MYCBP2: variants seen among roughly 807,000 people sequenced by gnomAD.
The protein encoded by MYCBP2 is E3 ubiquitin-protein ligase MYCBP2.
In MYCBP2, 120 loss-of-function variants were observed where a neutral mutation model predicts 525.3. The observed-to-expected ratio is 0.23, with a 90% CI of 0.20 to 0.27. The LOEUF (loss-of-function observed/expected upper bound fraction) is 0.27, where lower values mean the gene tolerates loss of function less well. MYCBP2 is among the 10% of genes least tolerant of loss of function. MYCBP2 has a pLI of 1.00. For missense variants in MYCBP2, 4,149 were observed against 5,657.1 expected, an observed-to-expected ratio of 0.73 and a Z score of 8.55; for synonymous variants, 1,894 against 1,955.8, an observed-to-expected ratio of 0.97 and a Z score of 0.83.
Position 77,055,651 on chromosome 13 carries a change from T to A in MYCBP2, c.13554A>T (p.Glu4518Asp). 1.2e-6 allele frequency: 2 copies of A among 1,614,156 alleles called. No individual in the cohort carries two copies. Among genetic ancestry groups the A allele is most frequent in the Non-Finnish European group, 1.7e-6 (2 of 1,180,004 alleles). ...RLEYEGLHKS[E>D]AITTPGVRFY... ...ACCTCACACCAGGAGTTGTGATAGC[T>A]TCACTCTTATGCAGACCTTCATATT... Residue 4518 changes from glutamate (E) to aspartate (D), a missense_variant, in exon 80 of 83, where the codon GAA becomes GAT. Physicochemically the swap from Glu to Asp is conservative, Grantham distance 45. Transcript: ENST00000544440.
chr13:77,194,225 T>C lies in MYCBP2; in HGVS notation c.3863A>G (p.Asp1288Gly). 2 of 1,613,158 alleles carry C rather than the reference T, an allele frequency of 1.2e-6. No individual in the cohort carries two copies. The highest frequency in any genetic ancestry group is 1.7e-6 in the Non-Finnish European group (2 of 1,179,312). Reference protein sequence around the residue: ...AKIKLFELGPDGGDHETDGDL... With the variant: ...AKIKLFELGPGGGDHETDGDL... ...ACCATCAGTTTCATGATCTCCTCCATCAGGACCCAATTCAAACAGCTAAGG... is the reference window on the plus strand; with the variant it reads ...ACCATCAGTTTCATGATCTCCTCCACCAGGACCCAATTCAAACAGCTAAGG... Residue 1288 changes from aspartate to glycine, a missense_variant, in exon 27 of 83, where the codon GAT (aspartate) becomes GGT (glycine). Around this residue, in one of 21 missense-constraint regions of MYCBP2, gnomAD observed 620 missense variants for 795.5 expected, o/e 0.78. Transcript: ENST00000544440.
chr13:77,098,102 G>A lies in MYCBP2; in HGVS notation c.9052C>T (p.Pro3018Ser). 2 of 1,613,428 alleles carry A rather than the reference G, an allele frequency of 1.2e-6. No homozygotes were observed. The highest frequency in any genetic ancestry group is 2.2e-5 in the South Asian group (2 of 91,036). Residue 3018 changes from proline (P) to serine (S), a missense_variant, in exon 56 of 83, where the codon CCA (proline) becomes TCA (serine). Around this residue, in one of 21 missense-constraint regions of MYCBP2, gnomAD observed 653 missense variants for 744.7 expected, o/e 0.88. Transcript: ENST00000544440. ...GAAGGAGACATGGCTTGCTTGGCTG[G>A]CTCTAAAGGCTTGGATCCATCTCCT... The part of the protein sequence containing the change: ...FKGDGSKPLE[P>S]AKQAMSPSVA...
Position 77,068,891 on chromosome 13 carries a change from A to G in MYCBP2, c.11905-60T>C, listed in dbSNP as rs913158375. 33 of 1,468,262 alleles carry G rather than the reference A, an allele frequency of 2.2e-5. No individual in the cohort carries two copies. The African/African-American group carries it at 4.6e-4, about 21-fold the overall frequency. 91.0% of individuals were successfully genotyped at this position (1,468,262 alleles called of 1,614,324 possible). A position where few individuals can be genotyped will look rare whatever the true frequency, so the allele number is the denominator to read the frequency against. ...AGGGTTAGTTTGATTTACTACTCCT[A>G]GCAAAACAAGCAAACAAAAGAATAA... is the stretch of plus-strand genomic sequence containing the variant. On this transcript the variant is annotated intron_variant, in intron 69 of 82. Coordinates refer to ENST00000544440, the MANE Select transcript of MYCBP2 (RefSeq NM_015057.5).
chr13:77,229,800 C>T (rs2066882331), intron 18 of MYCBP2, among the ~76,000 whole-genome samples: 1 of 151,980 alleles, frequency 6.6e-6, no homozygotes, highest in South Asian at 2.1e-4. Flanking sequence ...ATTCCAAAGG[C>T]TATAATATTT....
intron 72 of MYCBP2, 85 bp downstream of exon 72, chr13:77,065,907 A>G (rs1474812752): frequency 2.3e-6 from 2 of 869,716 alleles, no homozygotes; most frequent in African/African-American, 3.4e-5. Context: ...ACTAATCTAC[A>G]TCTCCTATCA....
intron 1 of MYCBP2, among the ~76,000 whole-genome samples, chr13:77,311,307 C>A (rs527431251): frequency 1.3e-5 from 2 of 152,164 alleles, no homozygotes; most frequent in Non-Finnish European, 2.9e-5. Context: ...TATAATAAAC[C>A]CTAGAGTTTA....
chr13:77,280,889 T>C (rs917052776), intron 3 of MYCBP2, among the ~76,000 whole-genome samples: 2 of 152,224 alleles, frequency 1.3e-5, no homozygotes, highest in African/African-American at 2.4e-5. Flanking sequence ...AGACTTTTTG[T>C]TTAACAAATG....
At chr13:77,224,834 ATGAGTAAC>A (rs2066042661) in intron 19 of MYCBP2, among the ~76,000 whole-genome samples, 1 of 152,180 alleles carries the variant, frequency 6.6e-6, no homozygotes, top group Admixed American at 6.5e-5. Flanking sequence ...CTTCTTAATA[ATGAGTAAC>A]TACATATAAA....
intron 45 of MYCBP2, among the ~76,000 whole-genome samples, chr13:77,156,762 T>C (rs2057259512): frequency 6.7e-6 from 1 of 148,964 alleles, no homozygotes; most frequent in Non-Finnish European, 1.5e-5. Context: ...GTGATGTTCA[T>C]TCCTGAATTC....
chr13:77,274,902 T>C (rs1271103228), intron 4 of MYCBP2, among the ~76,000 whole-genome samples: 2 of 152,106 alleles, frequency 1.3e-5, no homozygotes, highest in African/African-American at 2.4e-5. Context: ...TCTGTACACA[T>C]CCTATACTTC....
intron 8 of MYCBP2, 92 bp downstream of exon 8, chr13:77,267,749 C>T: frequency 2.1e-6 from 2 of 972,478 alleles, no homozygotes; most frequent in Non-Finnish European, 3.3e-6. Context: ...CAAGCACTAT[C>T]CCTTGCTAAT....
At chr13:77,161,843 C>A in intron 44 of MYCBP2, 63 bp downstream of exon 44, 1 of 1,274,996 alleles carries the variant, frequency 7.8e-7, no homozygotes, top group Non-Finnish European at 1.1e-6. Flanking sequence ...ATAGGCTGAT[C>A]TGAGTGACAA....
At chr13:77,203,709 T>G (rs1030891375) in intron 26 of MYCBP2, among the ~76,000 whole-genome samples, 3 of 152,136 alleles carry the variant, frequency 2.0e-5, no homozygotes, top group Admixed American at 2.0e-4. Context: ...TATAGATCAA[T>G]GGAACGGAAC....
chr13:77,294,131 C>CATATATATATATATATATATATATACGG, intron 2 of MYCBP2, among the ~76,000 whole-genome samples: 1 of 65,692 alleles, frequency 1.5e-5, no homozygotes, highest in Non-Finnish European at 3.0e-5. Flanking sequence ...TATATATATA[C>CATATATATATATATATATATATATACGG]ATATATATAT....
chr13:77,295,537 T>A (rs776560603), intron 2 of MYCBP2, among the ~76,000 whole-genome samples: 5 of 152,222 alleles, frequency 3.3e-5, no homozygotes, highest in Non-Finnish European at 5.9e-5. Context: ...TACTTTGAAG[T>A]AGATTTCTCT....
At position 77,183,541 on chromosome 13, in the gene MYCBP2, CTTTTTTTTTTTTTTTTT is replaced by C. The variant is rs60927409; in HGVS notation, c.4719+1545_4719+1561del. Among the ~76,000 whole-genome samples the C allele has an allele frequency of 1.1e-4, 7 of 66,050 alleles. No individual in the cohort carries two copies. The Admixed American group carries it at 1.1e-3, about 10-fold the overall frequency. 43.3% of individuals were successfully genotyped at this position (66,050 alleles called of 152,430 possible). A position where few individuals can be genotyped will look rare whatever the true frequency, so the allele number is the denominator to read the frequency against. Reference sequence around the variant, plus strand: ...TTGTTTATAGTGATAGTCCCTATTTCTTTTTTTTTTTTTTTTTTTTTTTTTTTTTGAGATGGAGTATC... The same window carrying C: ...TTGTTTATAGTGATAGTCCCTATTTCTTTTTTTTTTTTGAGATGGAGTATC... On this transcript the variant is annotated intron_variant, in intron 32 of 82. Coordinates refer to ENST00000544440, the MANE Select transcript of MYCBP2 (RefSeq NM_015057.5).
chr13:77,196,153 T>G (rs1566886305), intron 26 of MYCBP2, among the ~76,000 whole-genome samples: 1 of 152,172 alleles, frequency 6.6e-6, no homozygotes, highest in South Asian at 2.1e-4. Context: ...GCTGTAGTTA[T>G]GAGGAAACAG....
At chr13:77,087,979 C>T (rs1478924876) in intron 61 of MYCBP2, among the ~76,000 whole-genome samples, 1 of 151,836 alleles carries the variant, frequency 6.6e-6, no homozygotes, top group Non-Finnish European at 1.5e-5. Context: ...GAAATGAGGT[C>T]TCACATGTTG....
At chr13:77,150,330 T>C (rs1015599476) in intron 47 of MYCBP2, among the ~76,000 whole-genome samples, 7 of 152,138 alleles carry the variant, frequency 4.6e-5, no homozygotes, top group Non-Finnish European at 8.8e-5. Flanking sequence ...TTTGTAGAGA[T>C]GGGGTCTCAC....
Sources: gnomAD v4.1 joint callset for allele counts (sites outside exome capture counted in the v4.1 genomes callset) on GRCh38, gnomAD v4.1.1 for gene constraint, gnomAD v4.1.1 regional missense constraint, MANE v1.5 for transcripts, NCBI Gene and HGNC (gene_info 2026-07-23, HGNC 2026-07-21) for gene names.